The following SUPT3H variants were observed in gnomAD, a reference collection of about 807,000 sequenced individuals.
The protein encoded by SUPT3H is SPT3 homolog, SAGA and STAGA complex component.
A neutral mutation model predicts 44.3 loss-of-function variants in SUPT3H; 44 were observed. The ratio of observed to expected loss-of-function variants is 0.99; its 90% CI spans 0.78 to 1.28. SUPT3H has a LOEUF of 1.28. Among genes scored for constraint, SUPT3H ranks in the 50% most tolerant of loss-of-function variants. The pLI is 0.00. For missense variants in SUPT3H, 380 were observed against 387.1 expected (o/e 0.98, Z 0.15); for synonymous variants, 124 against 125.6 (o/e 0.99, Z 0.09).
intron 2 of SUPT3H, among the ~76,000 whole-genome samples, chr6:45,190,351 A>C (rs1318508806): frequency 6.6e-6 from 1 of 152,166 alleles, no homozygotes; most frequent in Non-Finnish European, 1.5e-5. Flanking sequence ...CATTGGCCCA[A>C]AGAAATCAGT....
At chr6:45,306,070 G>A (rs1782945680) in intron 2 of SUPT3H, among the ~76,000 whole-genome samples, 1 of 152,230 alleles carries the variant, frequency 6.6e-6, no homozygotes, top group Non-Finnish European at 1.5e-5. Flanking sequence ...TGGCAGGTGA[G>A]GTGCCTACAT....
In SUPT3H at chr6:45,230,686, A is replaced by ATATTTTTT. The variant is rs796866510; in HGVS notation, c.102-124681_102-124680insAAAAAATA. Among the ~76,000 whole-genome samples the ATATTTTTT allele has an allele frequency of 1.7e-3, 202 of 116,814 alleles. 1 individual carries two copies. The highest frequency in any genetic ancestry group is 5.8e-3 in the African/African-American group (186 of 31,838). The allele number at this position is 116,814 out of a possible 152,430, so 76.6% of individuals were successfully genotyped here. A position where few individuals can be genotyped will look rare whatever the true frequency, so the allele number is the denominator to read the frequency against. ...TCTATATATATATATATATATATAT[A>ATATTTTTT]TTTTTGAGATGGAGTCTTGCTCTAT... On this transcript the variant is annotated intron_variant, in intron 2 of 10. Transcript: ENST00000371459.
At chr6:45,114,448 A>G (rs750465381) in intron 2 of SUPT3H, among the ~76,000 whole-genome samples, 5 of 152,278 alleles carry the variant, frequency 3.3e-5, no homozygotes, top group Non-Finnish European at 5.9e-5. Context: ...ATTTATTAAG[A>G]TCTGATGTGT....
intron 2 of SUPT3H, among the ~76,000 whole-genome samples, chr6:45,247,499 G>T (rs1490345420): frequency 1.3e-5 from 2 of 152,042 alleles, no homozygotes; most frequent in Non-Finnish European, 2.9e-5. Context: ...CAGGTACCAT[G>T]TGCCTACATG....
At chr6:45,006,920 T>G (rs56199424) in intron 5 of SUPT3H, among the ~76,000 whole-genome samples, 1 of 152,190 alleles carries the variant, frequency 6.6e-6, no homozygotes, top group Non-Finnish European at 1.5e-5. Context: ...TTCTTTCCTA[T>G]TCTTCCTTTT....
chr6:44,827,004 C>G lies in SUPT3H; in HGVS notation c.*2812G>C, dbSNP rs1767829913. 6.6e-6 allele frequency among the ~76,000 whole-genome samples: 1 copy of G among 152,138 alleles called. No homozygotes were observed. The highest frequency in any genetic ancestry group is 2.4e-5 in the African/African-American group (1 of 41,452). On this transcript the variant is annotated 3_prime_UTR_variant, in exon 11 of 11. Transcript: ENST00000371459. ...GCTAATGGCATAACCCTCTAAATGG[C>G]ACGTTCAGAAAGTTATACTTCCAAA... is the stretch of plus-strand genomic sequence containing the variant.
At chr6:44,850,187 G>C (rs1772628293) in intron 10 of SUPT3H, among the ~76,000 whole-genome samples, 1 of 152,168 alleles carries the variant, frequency 6.6e-6, no homozygotes, top group African/African-American at 2.4e-5. Context: ...CTAATGATCA[G>C]ATTAAATTTT....
chr6:44,878,216 GT>G (rs1242493343), intron 10 of SUPT3H, among the ~76,000 whole-genome samples: 2 of 152,108 alleles, frequency 1.3e-5, no homozygotes, highest in African/African-American at 2.4e-5. Context: ...TTGTAACAAG[GT>G]TTTATTTGAA....
At chr6:45,230,475 G>A (rs1048945721) in intron 2 of SUPT3H, among the ~76,000 whole-genome samples, 6 of 151,004 alleles carry the variant, frequency 4.0e-5, no homozygotes, top group African/African-American at 1.5e-4. Context: ...ATTATATAAT[G>A]ACCATCTTTG....
chr6:45,091,553 T>C (rs1298042560), intron 3 of SUPT3H, among the ~76,000 whole-genome samples: 1 of 152,046 alleles, frequency 6.6e-6, no homozygotes. Flanking sequence ...TATCTACTAC[T>C]TATAAGCTGT....
chr6:45,127,497 GATTAAAT>G (rs1470438716), intron 2 of SUPT3H, among the ~76,000 whole-genome samples: 2 of 152,020 alleles, frequency 1.3e-5, no homozygotes. Flanking sequence ...TGCACTAAGA[GATTAAAT>G]AATTTGTCTA....
At chr6:44,845,205 C>A (rs543132317) in intron 10 of SUPT3H, among the ~76,000 whole-genome samples, 1 of 152,258 alleles carries the variant, frequency 6.6e-6, no homozygotes, top group African/African-American at 2.4e-5. Context: ...TGAATGCTTA[C>A]TAGTACCAGA....
At chr6:45,129,597 C>T (rs1803094397) in intron 2 of SUPT3H, among the ~76,000 whole-genome samples, 1 of 152,188 alleles carries the variant, frequency 6.6e-6, no homozygotes, top group South Asian at 2.1e-4. Flanking sequence ...ACTACCTTCA[C>T]AACTTGTGCT....
At chr6:44,928,599 C>T (rs1015227328) in intron 10 of SUPT3H, among the ~76,000 whole-genome samples, 2 of 151,840 alleles carry the variant, frequency 1.3e-5, no homozygotes, top group Non-Finnish European at 2.9e-5. Flanking sequence ...AATGAGAATA[C>T]AGAAAAGAAA....
At chr6:45,276,832 C>T (rs1777110384) in intron 2 of SUPT3H, among the ~76,000 whole-genome samples, 1 of 152,186 alleles carries the variant, frequency 6.6e-6, no homozygotes, top group African/African-American at 2.4e-5. Context: ...TTAACTGTTG[C>T]ATGCCACAGA....
Position 45,020,651 on chromosome 6 carries a change from T to C in SUPT3H, c.187-19A>G, listed in dbSNP as rs779118982. 27 of 1,596,864 alleles carry C rather than the reference T, an allele frequency of 1.7e-5. No individual in the cohort carries two copies. The highest frequency in any genetic ancestry group is 8.4e-5 in the Admixed American group (5 of 59,198). ...GCTGTAACTAACAATAATGAAAATTTAGAAATTTTTCTCAGTAACACAAAT... is the reference window on the plus strand; with the variant it reads ...GCTGTAACTAACAATAATGAAAATTCAGAAATTTTTCTCAGTAACACAAAT... On this transcript the variant is annotated intron_variant, in intron 3 of 10. Transcript: ENST00000371459.
At chr6:44,893,308 T>C (rs999242069) in intron 10 of SUPT3H, among the ~76,000 whole-genome samples, 3 of 152,236 alleles carry the variant, frequency 2.0e-5, no homozygotes, top group Admixed American at 6.5e-5. Flanking sequence ...ACATGTGCCA[T>C]GCTGGTGCGC....
chr6:44,888,051 C>G (rs1466256801), intron 10 of SUPT3H, among the ~76,000 whole-genome samples: 1 of 152,126 alleles, frequency 6.6e-6, no homozygotes, highest in Non-Finnish European at 1.5e-5. Flanking sequence ...TACACCCTCC[C>G]AAGACTAAAC....
chr6:45,320,088 A>G (rs973103315), intron 2 of SUPT3H, among the ~76,000 whole-genome samples: 14 of 151,764 alleles, frequency 9.2e-5, no homozygotes, highest in African/African-American at 3.4e-4. Context: ...TCAATTCAAG[A>G]GATGGTTATT....
Sources: allele counts gnomAD v4.1 joint callset (sites outside exome capture counted in the v4.1 genomes callset), GRCh38; gene constraint gnomAD v4.1.1; transcripts MANE v1.5; gene names NCBI Gene and HGNC (gene_info 2026-07-23, HGNC 2026-07-21).